Variants in GRHL2 observed in about 807,000 individuals in gnomAD.
GRHL2 encodes grainyhead-like protein 2 homolog.
In GRHL2, 21 loss-of-function variants were observed where a neutral mutation model predicts 83.8. The ratio of observed to expected loss-of-function variants is 0.25; its 90% CI spans 0.18 to 0.36. The LOEUF (loss-of-function observed/expected upper bound fraction) is 0.36. Among genes scored for constraint, GRHL2 ranks in the 10% least tolerant of loss-of-function variants. GRHL2 has a pLI of 1.00. For missense variants in GRHL2, 623 were observed against 781.8 expected (o/e 0.80, Z 2.42); for synonymous variants, 280 against 278.9 (o/e 1.00, Z -0.04).
chr8:101,669,829 C>A (rs1412929581), downstream of GRHL2: 4 of 152,216 alleles, frequency 2.6e-5, no homozygotes, highest in African/African-American at 9.7e-5. Flanking sequence ...CCCACCCTGC[C>A]TTCAGGTCCT....
In GRHL2 at chr8:101,617,177, G is replaced by T. The variant is rs575731509; in HGVS notation, c.1099-2362G>T. Among the ~76,000 whole-genome samples the T allele has an allele frequency of 1.3e-4, 19 of 151,964 alleles. No homozygotes were observed. The South Asian group carries it at 3.7e-3, about 30-fold the overall frequency. On this transcript the variant is annotated intron_variant, in intron 8 of 15. Transcript: ENST00000646743. ...TGGTCCTCGTGTTGTACCTTAGTTT[G>T]CTAGATGTGTTGGCATAATTAGATC...
chr8:101,613,746 G>T (rs1812798913), intron 8 of GRHL2, among the ~76,000 whole-genome samples: 1 of 150,908 alleles, frequency 6.6e-6, no homozygotes, highest in South Asian at 2.1e-4. Context: ...GTTATATATT[G>T]TTTGTGAAAG....
chr8:101,513,622 G>A (rs1391852596), intron 1 of GRHL2, among the ~76,000 whole-genome samples: 1 of 151,310 alleles, frequency 6.6e-6, no homozygotes, highest in Non-Finnish European at 1.5e-5. Flanking sequence ...AGCCTCCCTA[G>A]TAGCTGGGAT....
chr8:101,619,883 A>G (rs1001173270), intron 9 of GRHL2, among the ~76,000 whole-genome samples, 186 bp downstream of exon 9: 1 of 129,354 alleles, frequency 7.7e-6, no homozygotes, highest in African/African-American at 2.8e-5. Flanking sequence ...TCAGTCAACT[A>G]TTTTTTTTTT....
At chr8:101,666,473 C>A (rs1238019600) in intron 15 of GRHL2, 116 bp from the exon 16 acceptor site, 7 of 717,922 alleles carry the variant, frequency 9.8e-6, no homozygotes, top group African/African-American at 1.7e-5. Context: ...CTCCACTCCT[C>A]CCAGCCTCCA....
intron 7 of GRHL2, among the ~76,000 whole-genome samples, chr8:101,580,504 C>T (rs1812027971): frequency 6.9e-6 from 1 of 143,970 alleles, no homozygotes; most frequent in Non-Finnish European, 1.5e-5. Flanking sequence ...ATCTGCCTGC[C>T]TCGGCCTCCC....
At chr8:101,603,706 C>T (rs1226500214) in intron 8 of GRHL2, among the ~76,000 whole-genome samples, 1 of 152,168 alleles carries the variant, frequency 6.6e-6, no homozygotes, top group Non-Finnish European at 1.5e-5. Context: ...AGTCTTTCTG[C>T]ACAATGACAC....
chr8:101,577,402 C>A lies in GRHL2; in HGVS notation c.892-6C>A. 1.3e-6 allele frequency: 2 copies of A among 1,594,884 alleles called. No homozygotes were observed. Among genetic ancestry groups the A allele is most frequent in the Non-Finnish European group, 1.7e-6 (2 of 1,162,860 alleles). On this transcript the variant is annotated splice_region_variant and splice_polypyrimidine_tract_variant and intron_variant, in intron 6 of 15. Coordinates refer to ENST00000646743, the MANE Select transcript of GRHL2 (RefSeq NM_024915.4). ...AAAGTAAGCTCCACGATTCTCCCCTCTGCAGAGTGTGGTGATGGTGGTCTT... is the reference window on the plus strand; with the variant it reads ...AAAGTAAGCTCCACGATTCTCCCCTATGCAGAGTGTGGTGATGGTGGTCTT...
Position 101,632,214 on chromosome 8 carries a change from G to A in GRHL2, c.1346-12G>A. ...GACTCTCTCATTTATGAGTTTGTGT[G>A]ATCCCATCCAGCCTCTGATGGGAAG... On this transcript the variant is annotated splice_polypyrimidine_tract_variant and intron_variant, in intron 10 of 15. Coordinates refer to ENST00000646743, the MANE Select transcript of GRHL2 (RefSeq NM_024915.4). 1 of 1,613,618 alleles carries A rather than the reference G, an allele frequency of 6.2e-7. No individual in the cohort carries two copies. The highest frequency in any genetic ancestry group is 8.5e-7 in the Non-Finnish European group (1 of 1,179,560).
Position 101,611,128 on chromosome 8 carries a change from C to G in GRHL2, c.1099-8411C>G, listed in dbSNP as rs146290513. Reference sequence around the variant, plus strand: ...CATAGTTAGTTGTTTACATACTTCCCCATTCATCCCGGGATTAGTTTTAAA... The same window carrying G: ...CATAGTTAGTTGTTTACATACTTCCGCATTCATCCCGGGATTAGTTTTAAA... On this transcript the variant is annotated intron_variant, in intron 8 of 15. Transcript: ENST00000646743. Among the ~76,000 whole-genome samples, 3 of 151,038 alleles carry G rather than the reference C, an allele frequency of 2.0e-5. No homozygotes were observed. The East Asian group carries it at 5.8e-4, about 29-fold the overall frequency.
intron 1 of GRHL2, among the ~76,000 whole-genome samples, chr8:101,513,154 A>G (rs1196648060): frequency 1.3e-5 from 2 of 152,122 alleles, no homozygotes; most frequent in Admixed American, 1.3e-4. Context: ...TAAGCCTTAC[A>G]GGGTCATGTT....
chr8:101,672,914 A>G (rs577879592), downstream of GRHL2, among the ~76,000 whole-genome samples: 89 of 152,006 alleles, frequency 5.9e-4, 2 homozygotes, highest in South Asian at 1.0e-3. Context: ...TTCTTAAAGA[A>G]AAGAATTTTC....
In GRHL2 at chr8:101,617,029, C is replaced by T. The variant is rs147426476; in HGVS notation, c.1099-2510C>T. The stretch of plus-strand genomic sequence containing the variant: ...TCACATCCAATGTCTCACACAATTA[C>T]CCATTTCTTTTTGTTTTTGGTAAAA... On this transcript the variant is annotated intron_variant, in intron 8 of 15. Coordinates refer to ENST00000646743, the MANE Select transcript of GRHL2 (RefSeq NM_024915.4). Among the ~76,000 whole-genome samples, 386 of 152,252 alleles carry T rather than the reference C, an allele frequency of 2.5e-3. 1 individual carries two copies. The highest frequency in any genetic ancestry group is 8.8e-3 in the African/African-American group (367 of 41,544).
the GRHL2 span, among the ~76,000 whole-genome samples, chr8:101,679,165 G>T: frequency 7.5e-6 from 1 of 132,788 alleles, no homozygotes; most frequent in African/African-American, 2.9e-5. Flanking sequence ...GCAAAGAAGT[G>T]GAAAACTTTG....
chr8:101,654,825 G>A (rs948864019), intron 14 of GRHL2, among the ~76,000 whole-genome samples: 1 of 152,056 alleles, frequency 6.6e-6, no homozygotes, highest in Admixed American at 6.6e-5. Context: ...AAATTGGGCT[G>A]TTCTTATACT....
chr8:101,654,634 C>T (rs1813745528), intron 14 of GRHL2, among the ~76,000 whole-genome samples: 1 of 152,172 alleles, frequency 6.6e-6, no homozygotes, highest in Admixed American at 6.5e-5. Flanking sequence ...GTGGATTTGT[C>T]ATCTTGATAG....
intron 3 of GRHL2, among the ~76,000 whole-genome samples, chr8:101,557,122 G>A (rs1811503903): frequency 6.8e-6 from 1 of 147,544 alleles, no homozygotes. Context: ...CATCATATTA[G>A]TTAACCTCTA....
chr8:101,652,158 C>T (rs1242875508), intron 14 of GRHL2, among the ~76,000 whole-genome samples: 1 of 152,086 alleles, frequency 6.6e-6, no homozygotes, highest in African/African-American at 2.4e-5. Flanking sequence ...GGTGTGGGTT[C>T]TCTTTAGACC....
chr8:101,660,807 T>C (rs965997553), intron 14 of GRHL2, among the ~76,000 whole-genome samples: 11 of 152,246 alleles, frequency 7.2e-5, no homozygotes, highest in Non-Finnish European at 1.3e-4. Flanking sequence ...CTCTGTGAGA[T>C]GAGACTTCAG....
Sources: gnomAD v4.1 joint callset for allele counts (sites outside exome capture counted in the v4.1 genomes callset) on GRCh38, gnomAD v4.1.1 for gene constraint, MANE v1.5 for transcripts, NCBI Gene and HGNC (gene_info 2026-07-23, HGNC 2026-07-21) for gene names.